Variants in SORCS2 observed in about 807,000 individuals in gnomAD.
The protein encoded by SORCS2 is sortilin related VPS10 domain containing receptor 2.
A neutral mutation model predicts 141.6 loss-of-function variants in SORCS2; 100 were observed. The observed-to-expected ratio is 0.71, with a 90% CI of 0.60 to 0.83. SORCS2 has a LOEUF of 0.83. Among genes scored for constraint, SORCS2 ranks in the 40% least tolerant of loss-of-function variants. The pLI, the probability that SORCS2 is intolerant of heterozygous loss-of-function variation, is 0.00. For missense variants in SORCS2, 1,646 were observed against 1,560.2 expected, an observed-to-expected ratio of 1.05 and a Z score of -0.93; for synonymous variants, 789 against 676.9, an observed-to-expected ratio of 1.17 and a Z score of -2.57.
intron 1 of SORCS2, among the ~76,000 whole-genome samples, chr4:7,334,236 A>G (rs531688345): frequency 2.6e-5 from 4 of 151,956 alleles, no homozygotes; most frequent in South Asian, 4.2e-4. Context: ...AACTTTGCGC[A>G]CCCCGGGTCC....
intron 18 of SORCS2, among the ~76,000 whole-genome samples, chr4:7,723,210 T>C (rs1726715290): frequency 6.6e-6 from 1 of 152,018 alleles, no homozygotes; most frequent in Non-Finnish European, 1.5e-5. Flanking sequence ...AAAGAGAAAA[T>C]TAAGAACCGC....
chr4:7,512,582 G>T (rs1732731732), intron 2 of SORCS2, among the ~76,000 whole-genome samples: 1 of 151,884 alleles, frequency 6.6e-6, no homozygotes, highest in Non-Finnish European at 1.5e-5. Flanking sequence ...CCAACCTCAG[G>T]CCCCCAGACT....
intron 19 of SORCS2, among the ~76,000 whole-genome samples, chr4:7,724,120 G>GGTGGTGGTGGTGGTGGTGGTGATGGTC (rs1341970389): frequency 7.0e-6 from 1 of 142,482 alleles, no homozygotes. Context: ...TGGTGATGGT[G>GGTGGTGGTGGTGGTGGTGGTGATGGTC]GTGGTGGTGG....
intron 1 of SORCS2, among the ~76,000 whole-genome samples, chr4:7,333,692 G>T (rs1167783655): frequency 6.6e-6 from 1 of 152,174 alleles, no homozygotes; most frequent in Non-Finnish European, 1.5e-5. Context: ...CAGGGGCCCA[G>T]GTCTCCCCAC....
chr4:7,297,382 C>G (rs1303366221), intron 1 of SORCS2, among the ~76,000 whole-genome samples: 2 of 152,018 alleles, frequency 1.3e-5, no homozygotes, highest in Non-Finnish European at 2.9e-5. Flanking sequence ...ATGAATACCA[C>G]TTTTGTGCTT....
In SORCS2 at chr4:7,357,211, G is replaced by A. The variant is rs111889219; in HGVS notation, c.481-39077G>A. On this transcript the variant is annotated intron_variant, in intron 1 of 26. Transcript: ENST00000507866. ...GCCACGTGTCTCTGATGCCTGCCCC[G>A]GGGACTCGGGAGGGACCAGCTCAAC... Among the ~76,000 whole-genome samples the A allele has an allele frequency of 5.3e-3, 814 of 152,236 alleles. 8 individuals carry two copies. Among genetic ancestry groups the A allele is most frequent in the African/African-American group, 0.018 (749 of 41,520 alleles).
intron 3 of SORCS2, among the ~76,000 whole-genome samples, chr4:7,589,873 C>A (rs965076356): frequency 6.6e-6 from 1 of 152,166 alleles, no homozygotes; most frequent in African/African-American, 2.4e-5. Flanking sequence ...AACCCAGACA[C>A]CTGGATCTGT....
chr4:7,607,771 G>T (rs1251623421), intron 3 of SORCS2, among the ~76,000 whole-genome samples: 2 of 152,136 alleles, frequency 1.3e-5, no homozygotes, highest in African/African-American at 4.8e-5. Flanking sequence ...GGGGGTCAGT[G>T]TTCAAGAGGA....
At chr4:7,376,388 C>G (rs1230843968) in intron 1 of SORCS2, among the ~76,000 whole-genome samples, 1 of 152,068 alleles carries the variant, frequency 6.6e-6, no homozygotes, top group Admixed American at 6.5e-5. Flanking sequence ...AGCAGCCTGG[C>G]CAACAGGGTG....
intron 2 of SORCS2, among the ~76,000 whole-genome samples, chr4:7,477,577 G>T (rs1268154398): frequency 6.6e-6 from 1 of 152,174 alleles, no homozygotes; most frequent in African/African-American, 2.4e-5. Flanking sequence ...CTGCAAAGCC[G>T]GGGTCTGAGG....
chr4:7,596,297 C>T (rs763903717), intron 3 of SORCS2, among the ~76,000 whole-genome samples: 4 of 152,122 alleles, frequency 2.6e-5, no homozygotes, highest in African/African-American at 7.2e-5. Flanking sequence ...GCATGGTAGA[C>T]GGTGTGGTTA....
chr4:7,431,197 A>G (rs1433085322), intron 2 of SORCS2: 4 of 152,506 alleles, frequency 2.6e-5, no homozygotes, highest in African/African-American at 9.6e-5. Flanking sequence ...ACGGGCAACC[A>G]TCTAGTGGAG....
chr4:7,739,641 G>C (rs1712485892), intron 26 of SORCS2, among the ~76,000 whole-genome samples: 1 of 152,196 alleles, frequency 6.6e-6, no homozygotes, highest in African/African-American at 2.4e-5. Flanking sequence ...ACTCAGGTGT[G>C]TCTGGGCTGT....
chr4:7,464,473 G>A (rs1729492384), intron 2 of SORCS2, among the ~76,000 whole-genome samples: 1 of 152,162 alleles, frequency 6.6e-6, no homozygotes, highest in Admixed American at 6.6e-5. Flanking sequence ...GCAGATGCAG[G>A]GCCTGGAATG....
intron 3 of SORCS2, among the ~76,000 whole-genome samples, chr4:7,600,107 C>T (rs190716356): frequency 1.3e-5 from 2 of 152,232 alleles, no homozygotes; most frequent in African/African-American, 4.8e-5. Context: ...CAGCCATGAG[C>T]CACCACACCC....
At chr4:7,383,770 A>C (rs1723131828) in intron 1 of SORCS2, among the ~76,000 whole-genome samples, 1 of 152,254 alleles carries the variant, frequency 6.6e-6, no homozygotes. Context: ...TTGTAATTTC[A>C]TTAATAATTT....
chr4:7,639,784 T>G (rs11725335), intron 4 of SORCS2, among the ~76,000 whole-genome samples: 45,856 of 151,118 alleles, frequency 0.3, 7,432 homozygotes, highest in Middle Eastern at 0.41. Flanking sequence ...TGTGTGTGTG[T>G]GGGTATGTAT....
At chr4:7,354,476 A>G (rs1045463470) in intron 1 of SORCS2, among the ~76,000 whole-genome samples, 5 of 152,010 alleles carry the variant, frequency 3.3e-5, no homozygotes, top group Non-Finnish European at 1.5e-5. Context: ...GGTAAGCATC[A>G]GCGTAGGATT....
At chr4:7,210,965 C>T (rs939560841) in intron 1 of SORCS2, among the ~76,000 whole-genome samples, 10 of 152,330 alleles carry the variant, frequency 6.6e-5, no homozygotes, top group East Asian at 3.9e-4. Flanking sequence ...GGGAGTGGAA[C>T]GGTGACCTGG....
Sources: allele counts gnomAD v4.1 joint callset (sites outside exome capture counted in the v4.1 genomes callset), GRCh38; gene constraint gnomAD v4.1.1; transcripts MANE v1.5; gene names NCBI Gene and HGNC (gene_info 2026-07-23, HGNC 2026-07-21).